The following EPAS1 variants were observed in gnomAD, a reference collection of about 807,000 sequenced individuals.
EPAS1 encodes the protein endothelial PAS domain protein 1, also known as endothelial PAS domain-containing protein 1.
EPAS1 carries 23 observed loss-of-function variants against 87.9 expected under a neutral mutation model. The observed-to-expected ratio is 0.26, with a 90% CI of 0.19 to 0.37. The LOEUF (loss-of-function observed/expected upper bound fraction) is 0.37, where lower values mean the gene tolerates loss of function less well. Ranked by LOEUF, EPAS1 falls within the 10% of genes least tolerant of loss-of-function variation. EPAS1 has a pLI of 1.00. For synonymous variants in EPAS1, 508 were observed against 444.3 expected, an observed-to-expected ratio of 1.14 and a Z score of -1.80; for missense variants, 1,138 against 1,120.7, an observed-to-expected ratio of 1.02 and a Z score of -0.22.
chr2:46,357,628 C>A (rs1222595529), intron 4 of EPAS1, among the ~76,000 whole-genome samples: 2 of 152,138 alleles, frequency 1.3e-5, no homozygotes, highest in African/African-American at 4.8e-5. Flanking sequence ...GGAAACTACA[C>A]GAAGCCATGA....
At chr2:46,333,201 C>T (rs1169553222) in intron 1 of EPAS1, among the ~76,000 whole-genome samples, 1 of 152,176 alleles carries the variant, frequency 6.6e-6, no homozygotes, top group Non-Finnish European at 1.5e-5. Flanking sequence ...TGCAATACCC[C>T]CACAGCTGGG....
chr2:46,313,681 C>T (rs1307175220), intron 1 of EPAS1, among the ~76,000 whole-genome samples: 1 of 152,132 alleles, frequency 6.6e-6, no homozygotes, highest in African/African-American at 2.4e-5. Flanking sequence ...CAAACTCTGA[C>T]CTCAGGTGAT....
Position 46,381,605 on chromosome 2 carries a change from G to C in EPAS1, c.2055G>C (p.Lys685Asn). 6.2e-7 allele frequency: 1 copy of C among 1,614,032 alleles called. No homozygotes were observed. Among genetic ancestry groups the C allele is most frequent in the Non-Finnish European group, 8.5e-7 (1 of 1,180,040 alleles). ...CTCTCGGGCTTGGCAGGTCTGCAAA[G>C]GGTTTTGGGGCTCGAGGCCCAGACG... is the stretch of plus-strand genomic sequence containing the variant. ...HVSTFKTRSA[K>N]GFGARGPDVL... The change falls in exon 13 of 16, where the codon AAG (lysine) becomes AAC (asparagine). Residue 685 changes from lysine (K) to asparagine (N), a missense_variant. Coordinates refer to ENST00000263734, the MANE Select transcript of EPAS1 (RefSeq NM_001430.5).
In EPAS1 at chr2:46,375,656, C is replaced by T; in HGVS notation, c.887-34C>T. ...CCTGTGGTGCACACCCCTGCCCCAC[C>T]TCCCTAAGCTCAGCTCTGTTTCTCC... On this transcript the variant is annotated intron_variant, in intron 7 of 15. Transcript: ENST00000263734. The surrounding 1 kb of genome is among the most constrained non-coding windows in gnomAD (Gnocchi z 4.1). 6.2e-7 allele frequency: 1 copy of T among 1,609,668 alleles called. No homozygotes were observed. Among genetic ancestry groups the T allele is most frequent in the Non-Finnish European group, 8.5e-7 (1 of 1,177,868 alleles).
chr2:46,359,128 G>A (rs958741772), intron 4 of EPAS1, among the ~76,000 whole-genome samples: 6 of 151,678 alleles, frequency 4.0e-5, no homozygotes, highest in East Asian at 1.9e-4. Flanking sequence ...GCGTGGTGGC[G>A]CGTGCCTGTA....
chr2:46,382,288 A>G (rs1280360002), intron 14 of EPAS1, 137 bp from the exon 15 acceptor site: 4 of 1,223,668 alleles, frequency 3.3e-6, no homozygotes, highest in East Asian at 4.7e-5. Flanking sequence ...AGATGATGCC[A>G]TCAGAGGGTC....
chr2:46,350,896 C>G (rs916639818), intron 2 of EPAS1, among the ~76,000 whole-genome samples: 1 of 152,142 alleles, frequency 6.6e-6, no homozygotes, highest in Admixed American at 6.5e-5. Context: ...ATTATATTTT[C>G]CTGATCTCTA....
intron 1 of EPAS1, among the ~76,000 whole-genome samples, chr2:46,332,039 G>A (rs199960821): frequency 6.6e-6 from 1 of 152,186 alleles, no homozygotes; most frequent in Non-Finnish European, 1.5e-5. Flanking sequence ...TGTGCAGGCC[G>A]GCCTGCCATG....
chr2:46,369,755 A>G (rs1174659119), intron 6 of EPAS1, 72 bp from the exon 7 acceptor site: 9 of 1,085,212 alleles, frequency 8.3e-6, no homozygotes, highest in Non-Finnish European at 8.4e-6. Context: ...TTCTGGGGTT[A>G]GCTCCTGCCC....
chr2:46,300,145 G>T lies in EPAS1; in HGVS notation c.26+2208G>T, dbSNP rs915264564. 6.6e-6 allele frequency among the ~76,000 whole-genome samples: 1 copy of T among 152,228 alleles called. No homozygotes were observed. The highest frequency in any genetic ancestry group is 2.4e-5 in the African/African-American group (1 of 41,456). ...TTTTCGTGCCTGGGTCTGTTTGCTG[G>T]CTGCAGGCTTCTTTAGGGACCAAGA... is the stretch of plus-strand genomic sequence containing the variant. On this transcript the variant is annotated intron_variant, in intron 1 of 15. Coordinates refer to ENST00000263734, the MANE Select transcript of EPAS1 (RefSeq NM_001430.5). The surrounding 1 kb of genome is among the most constrained non-coding windows in gnomAD (Gnocchi z 4.1).
intron 11 of EPAS1, chr2:46,379,777 T>C: frequency 4.1e-6 from 1 of 245,618 alleles, no homozygotes; most frequent in Non-Finnish European, 8.1e-6. Context: ...CCTGGGCACT[T>C]ACTGCTTGCT....
In EPAS1 at chr2:46,379,343, C is replaced by T. The variant is rs143645513; in HGVS notation, c.1554+576C>T. 1.0e-3 allele frequency among the ~76,000 whole-genome samples: 152 copies of T among 152,130 alleles called. 1 individual carries two copies. The East Asian group carries it at 0.023, about 23-fold the overall frequency. On this transcript the variant is annotated intron_variant, in intron 11 of 15. Transcript: ENST00000263734. ...AAACCCCAGGGAAAACCATTAATCC[C>T]CCATTTGTCTTAGTCTTGAGTTCAA... is the stretch of plus-strand genomic sequence containing the variant.
rs150614337 is a variant in EPAS1 at position 46,332,134 on chromosome 2, A to G, written c.27-14739A>G. Among the ~76,000 whole-genome samples, 17 of 152,222 alleles carry G rather than the reference A, an allele frequency of 1.1e-4. No individual in the cohort carries two copies. In the East Asian group the frequency reaches 3.3e-3, roughly 29 times the overall value. ...CATTGCTTTAGAGGCTCTGGGGAAG[A>G]GGCTGTGGGGTGTGCTCTGCTTGTC... On this transcript the variant is annotated intron_variant, in intron 1 of 15. Coordinates refer to ENST00000263734, the MANE Select transcript of EPAS1 (RefSeq NM_001430.5).
chr2:46,349,856 A>T (rs971267923), intron 2 of EPAS1, among the ~76,000 whole-genome samples: 2 of 152,192 alleles, frequency 1.3e-5, no homozygotes, highest in Admixed American at 6.5e-5. Context: ...TATGAAGAGG[A>T]GTACGGGATT....
chr2:46,314,967 A>C (rs1401812032), intron 1 of EPAS1, among the ~76,000 whole-genome samples: 2 of 152,164 alleles, frequency 1.3e-5, no homozygotes, highest in Non-Finnish European at 2.9e-5. Context: ...TCCTGATGCC[A>C]GGGAGAAGGA....
chr2:46,344,775 T>C (rs1025592062), intron 1 of EPAS1, among the ~76,000 whole-genome samples: 7 of 152,108 alleles, frequency 4.6e-5, no homozygotes, highest in Admixed American at 4.6e-4. Flanking sequence ...ACGAGAAAAA[T>C]AGTTTCACTC....
In EPAS1 at chr2:46,386,551, A is replaced by G. The variant is rs1251296970; in HGVS notation, c.*1891A>G. ...AACACTGAAAAATATTCCAAGCTTCATATTAACCCTACCTGTCAACGTAAC... is the reference window on the plus strand; with the variant it reads ...AACACTGAAAAATATTCCAAGCTTCGTATTAACCCTACCTGTCAACGTAAC... On this transcript the variant is annotated 3_prime_UTR_variant, in exon 16 of 16. Coordinates refer to ENST00000263734, the MANE Select transcript of EPAS1 (RefSeq NM_001430.5). 6.6e-6 allele frequency: 1 copy of G among 152,630 alleles called. No individual in the cohort carries two copies. The highest frequency in any genetic ancestry group is 1.9e-4 in the East Asian group (1 of 5,196). The allele number at this position is 152,630 out of a possible 1,614,324, so 9.5% of individuals were successfully genotyped here. A position where few individuals can be genotyped will look rare whatever the true frequency, so the allele number is the denominator to read the frequency against.
intron 3 of EPAS1, 118 bp from the exon 4 acceptor site, chr2:46,356,606 G>T: frequency 1.2e-6 from 1 of 851,074 alleles, no homozygotes; most frequent in South Asian, 1.4e-5. Flanking sequence ...CTGGGATTAT[G>T]AGAAAACCCA....
At chr2:46,298,215 T>C (rs1470029308) in intron 1 of EPAS1, among the ~76,000 whole-genome samples, 2 of 152,148 alleles carry the variant, frequency 1.3e-5, no homozygotes, top group Non-Finnish European at 2.9e-5. Context: ...CGGAGGTGCT[T>C]CCGCGGTGCC....
Sources: gnomAD v4.1 joint callset for allele counts (sites outside exome capture counted in the v4.1 genomes callset) on GRCh38, gnomAD v4.1.1 for gene constraint, Gnocchi (gnomAD v3.1) non-coding constraint, MANE v1.5 for transcripts, NCBI Gene and HGNC (gene_info 2026-07-23, HGNC 2026-07-21) for gene names.